The following SLC35F4 variants were observed in gnomAD, a reference collection of about 807,000 sequenced individuals.
SLC35F4 encodes the protein chromosome 14 open reading frame 36.
A neutral mutation model predicts 44.2 loss-of-function variants in SLC35F4; 24 were observed. The observed-to-expected ratio is 0.54, with a 90% CI of 0.39 to 0.76. SLC35F4 has a LOEUF of 0.76. SLC35F4 is among the 30% of genes least tolerant of loss of function. The probability of loss-of-function intolerance (pLI) is 0.00; values close to 1 mark genes in which losing one functional copy is unlikely to be tolerated. For missense variants in SLC35F4, 562 were observed against 586.1 expected, an observed-to-expected ratio of 0.96 and a Z score of 0.42; for synonymous variants, 238 against 223.6, an observed-to-expected ratio of 1.06 and a Z score of -0.57.
At chr14:57,657,167 C>T (rs17093524) in intron 1 of SLC35F4, among the ~76,000 whole-genome samples, 3,956 of 152,322 alleles carry the variant, frequency 0.026, 163 homozygotes, top group African/African-American at 0.089. Flanking sequence ...GTCTTTCTCA[C>T]AGGAGCCAGC....
At chr14:57,662,662 C>T (rs191112495) in intron 1 of SLC35F4, among the ~76,000 whole-genome samples, 16 of 152,252 alleles carry the variant, frequency 1.1e-4, no homozygotes, top group African/African-American at 3.6e-4. Flanking sequence ...CAAAATAAAC[C>T]TCTACCATTT....
chr14:57,827,379 CAT>C (rs755634366), intron 1 of SLC35F4, among the ~76,000 whole-genome samples: 2 of 152,052 alleles, frequency 1.3e-5, no homozygotes, highest in African/African-American at 2.4e-5. Context: ...CATCAGGAAA[CAT>C]AGCTATGCAT....
intron 6 of SLC35F4, among the ~76,000 whole-genome samples, chr14:57,567,715 C>T (rs1021921883): frequency 1.3e-5 from 2 of 152,214 alleles, no homozygotes; most frequent in African/African-American, 2.4e-5. Flanking sequence ...AGTCCAACAT[C>T]GCAAATTCTG....
chr14:57,849,300 T>A (rs962799785), intron 1 of SLC35F4, among the ~76,000 whole-genome samples: 2 of 152,168 alleles, frequency 1.3e-5, no homozygotes, highest in Non-Finnish European at 2.9e-5. Flanking sequence ...TAGCTGGGAT[T>A]ATAGGCATGC....
chr14:57,978,557 T>A (rs1881284332), intron 1 of SLC35F4, among the ~76,000 whole-genome samples: 1 of 152,208 alleles, frequency 6.6e-6, no homozygotes. Context: ...ACATGGCTTG[T>A]TAAAGGCTCA....
At chr14:57,930,041 A>G (rs970456642) in intron 1 of SLC35F4, among the ~76,000 whole-genome samples, 1 of 152,176 alleles carries the variant, frequency 6.6e-6, no homozygotes, top group South Asian at 2.1e-4. Flanking sequence ...TTTCACCTCT[A>G]AAAAAACTTC....
chr14:57,701,636 G>A (rs886734177), intron 1 of SLC35F4, among the ~76,000 whole-genome samples: 1 of 152,044 alleles, frequency 6.6e-6, no homozygotes, highest in African/African-American at 2.4e-5. Flanking sequence ...ATAATTTCAC[G>A]GGACCACTGT....
chr14:57,885,286 A>G (rs1888622613), intron 1 of SLC35F4, among the ~76,000 whole-genome samples: 1 of 152,178 alleles, frequency 6.6e-6, no homozygotes. Context: ...AGTATGTTAG[A>G]GGAATGCAGG....
chr14:57,934,883 G>A (rs1379824030), intron 1 of SLC35F4, among the ~76,000 whole-genome samples: 2 of 152,210 alleles, frequency 1.3e-5, no homozygotes, highest in African/African-American at 4.8e-5. Context: ...GGATCAGCAT[G>A]TCAGCTTTAT....
At chr14:57,782,318 A>G in intron 1 of SLC35F4, among the ~76,000 whole-genome samples, 1 of 151,876 alleles carries the variant, frequency 6.6e-6, no homozygotes, top group East Asian at 1.9e-4. Context: ...ATACTGGGAA[A>G]TTTTTGAACA....
chr14:57,618,951 G>A (rs1039593787), intron 1 of SLC35F4, among the ~76,000 whole-genome samples: 7 of 152,116 alleles, frequency 4.6e-5, no homozygotes, highest in Admixed American at 6.5e-5. Flanking sequence ...GGAGCCCACC[G>A]CAGCTCAGCA....
chr14:57,966,932 C>T (rs1174465601), intron 1 of SLC35F4, among the ~76,000 whole-genome samples: 1 of 151,962 alleles, frequency 6.6e-6, no homozygotes, highest in Admixed American at 6.6e-5. Context: ...ATCGCTTGAA[C>T]CCAGGAAGCA....
chr14:57,705,843 T>C (rs1216263857), intron 1 of SLC35F4, among the ~76,000 whole-genome samples: 1 of 152,192 alleles, frequency 6.6e-6, no homozygotes, highest in African/African-American at 2.4e-5. Context: ...CATATTTTCT[T>C]ATATAGATGT....
intron 1 of SLC35F4, among the ~76,000 whole-genome samples, chr14:57,900,690 T>C (rs915731127): frequency 6.6e-6 from 1 of 152,136 alleles, no homozygotes; most frequent in Non-Finnish European, 1.5e-5. Context: ...AGGATCTAAT[T>C]AAAGAGTTTC....
At chr14:57,670,505 G>A (rs1218431530) in intron 1 of SLC35F4, among the ~76,000 whole-genome samples, 1 of 151,996 alleles carries the variant, frequency 6.6e-6, no homozygotes, top group East Asian at 1.9e-4. Flanking sequence ...TGCTTTGAAT[G>A]TGTCCCACTG....
intron 1 of SLC35F4, among the ~76,000 whole-genome samples, chr14:57,640,781 A>C (rs2073193485): frequency 6.6e-6 from 1 of 152,026 alleles, no homozygotes. Flanking sequence ...TAGAAAAGAT[A>C]ATCACTTTTT....
intron 1 of SLC35F4, among the ~76,000 whole-genome samples, chr14:57,836,555 T>C (rs993831588): frequency 1.3e-5 from 2 of 152,218 alleles, no homozygotes; most frequent in East Asian, 3.8e-4. Flanking sequence ...CCTCCCAAAG[T>C]GCTGGGATTA....
intron 1 of SLC35F4, among the ~76,000 whole-genome samples, chr14:57,927,876 T>C (rs1377589069): frequency 2.0e-5 from 3 of 152,304 alleles, no homozygotes; most frequent in Middle Eastern, 6.8e-3. Flanking sequence ...ATCAATTTTT[T>C]CCTACTATGC....
Position 57,807,504 on chromosome 14 carries a change from T to C in SLC35F4, c.103+58219A>G, listed in dbSNP as rs138252469. ...GAAACCAAGCCTCTTTGAGCACCACTTTTAGGGAAGTTTTGTTCCAACAGG... is the reference window on the plus strand; with the variant it reads ...GAAACCAAGCCTCTTTGAGCACCACCTTTAGGGAAGTTTTGTTCCAACAGG... On this transcript the variant is annotated intron_variant, in intron 1 of 7. Coordinates refer to ENST00000556826, the MANE Select transcript of SLC35F4 (RefSeq NM_001306087.2). 3.5e-3 allele frequency among the ~76,000 whole-genome samples: 537 copies of C among 152,048 alleles called. 3 individuals are homozygous for C. Among genetic ancestry groups the C allele is most frequent in the Non-Finnish European group, 6.0e-3 (408 of 68,026 alleles).
Sources: allele counts gnomAD v4.1 joint callset (sites outside exome capture counted in the v4.1 genomes callset), GRCh38; gene constraint gnomAD v4.1.1; transcripts MANE v1.5; gene names NCBI Gene and HGNC (gene_info 2026-07-23, HGNC 2026-07-21).